The following PDE4D variants were observed in gnomAD, a reference collection of about 807,000 sequenced individuals.
PDE4D encodes the protein phosphodiesterase 4D.
In PDE4D, 24 loss-of-function variants were observed where a neutral mutation model predicts 87.4. The observed-to-expected ratio is 0.27, with a 90% CI of 0.20 to 0.39. PDE4D has a LOEUF of 0.39. Ranked by LOEUF, PDE4D falls within the 10% of genes least tolerant of loss-of-function variation. PDE4D has a pLI of 1.00. For missense variants in PDE4D, 714 were observed against 1,041.0 expected, an observed-to-expected ratio of 0.69 and a Z score of 4.32; for synonymous variants, 384 against 383.2, an observed-to-expected ratio of 1.00 and a Z score of -0.02.
intron 1 of PDE4D, among the ~76,000 whole-genome samples, chr5:59,767,864 A>G (rs776709364): frequency 1.3e-5 from 2 of 152,068 alleles, no homozygotes; most frequent in African/African-American, 2.4e-5. Context: ...TCCTCCCCTC[A>G]TTTCTGGTCC....
chr5:60,448,785 G>C (rs149928125), intron 1 of PDE4D: 2 of 152,058 alleles, frequency 1.3e-5, no homozygotes, highest in African/African-American at 4.8e-5. Flanking sequence ...TTTCATAGCA[G>C]ATATTTTAAT....
intron 2 of PDE4D, among the ~76,000 whole-genome samples, chr5:60,099,962 A>G (rs1776057914): frequency 6.6e-6 from 1 of 151,900 alleles, no homozygotes; most frequent in South Asian, 2.1e-4. Context: ...TCACAGCAAA[A>G]AAGAAAGAAA....
At chr5:59,275,211 G>T in intron 1 of PDE4D, 1 of 715,552 alleles carries the variant, frequency 1.4e-6, no homozygotes, top group Non-Finnish European at 2.3e-6. Context: ...ACAAAATAAA[G>T]AATAAAAGAG....
chr5:59,859,923 G>C (rs1431665617), intron 1 of PDE4D, among the ~76,000 whole-genome samples: 1 of 152,168 alleles, frequency 6.6e-6, no homozygotes, highest in Non-Finnish European at 1.5e-5. Flanking sequence ...CTAAGGATGG[G>C]TGTGCAGGGA....
chr5:59,941,878 G>A (rs1757221491), intron 3 of PDE4D, among the ~76,000 whole-genome samples: 1 of 152,184 alleles, frequency 6.6e-6, no homozygotes, highest in South Asian at 2.1e-4. Context: ...TCAATGATGG[G>A]GGATTTGGCA....
At chr5:59,750,071 A>G (rs181100571) in intron 1 of PDE4D, among the ~76,000 whole-genome samples, 1 of 147,914 alleles carries the variant, frequency 6.8e-6, no homozygotes, top group African/African-American at 2.5e-5. Flanking sequence ...CAAATGGTAG[A>G]CAGAATTATG....
At chr5:59,155,978 G>A (rs915030327) in intron 5 of PDE4D, among the ~76,000 whole-genome samples, 1 of 152,116 alleles carries the variant, frequency 6.6e-6, no homozygotes, top group East Asian at 1.9e-4. Context: ...AGGCTTAAGA[G>A]AGAGGACAGG....
At chr5:60,213,779 T>C (rs1743529513) in intron 1 of PDE4D, among the ~76,000 whole-genome samples, 1 of 152,090 alleles carries the variant, frequency 6.6e-6, no homozygotes, top group Non-Finnish European at 1.5e-5. Context: ...TGTCCTCCAT[T>C]TTCCTAGACC....
chr5:59,679,873 C>A (rs1037417574), intron 1 of PDE4D, among the ~76,000 whole-genome samples: 2 of 151,932 alleles, frequency 1.3e-5, no homozygotes, highest in Admixed American at 1.3e-4. Flanking sequence ...TACACAAAGA[C>A]CCTAATGAAA....
At chr5:59,154,954 G>A (rs1779950993) in intron 5 of PDE4D, among the ~76,000 whole-genome samples, 1 of 152,150 alleles carries the variant, frequency 6.6e-6, no homozygotes, top group Non-Finnish European at 1.5e-5. Context: ...TTTCGATCTT[G>A]GCTAAAAGTG....
chr5:59,588,826 C>T (rs1158468318), intron 1 of PDE4D, among the ~76,000 whole-genome samples: 2 of 152,178 alleles, frequency 1.3e-5, no homozygotes, highest in East Asian at 3.8e-4. Flanking sequence ...GCAGTGTCCT[C>T]ATGACCCCTT....
Position 59,369,219 on chromosome 5 carries a change from G to A in PDE4D, c.456-153251C>T, listed in dbSNP as rs149354718. On this transcript the variant is annotated intron_variant, in intron 1 of 14. Coordinates refer to ENST00000340635, the MANE Select transcript of PDE4D (RefSeq NM_001104631.2). The stretch of plus-strand genomic sequence containing the variant: ...GAGATGACATGAGGCAGACAAGGAC[G>A]GTAACAAGTCTGTGTAGGAATCTAC... Among the ~76,000 whole-genome samples the A allele has an allele frequency of 1.7e-3, 257 of 151,716 alleles. 1 individual carries two copies. Among genetic ancestry groups the A allele is most frequent in the African/African-American group, 6.0e-3 (247 of 41,302 alleles).
chr5:59,712,237 A>T (rs1754297308), intron 1 of PDE4D, among the ~76,000 whole-genome samples: 1 of 151,558 alleles, frequency 6.6e-6, no homozygotes, highest in African/African-American at 2.4e-5. Flanking sequence ...TCTCTCTACC[A>T]TATTCATTAC....
chr5:59,046,804 C>G (rs1006271099), intron 5 of PDE4D, among the ~76,000 whole-genome samples: 5 of 152,018 alleles, frequency 3.3e-5, no homozygotes, highest in Admixed American at 2.6e-4. Context: ...AATAAGGAGG[C>G]CTTTTGTCCA....
intron 1 of PDE4D, among the ~76,000 whole-genome samples, chr5:59,230,295 G>A (rs1311648866): frequency 6.6e-6 from 1 of 152,022 alleles, no homozygotes; most frequent in Non-Finnish European, 1.5e-5. Context: ...CCTAGTCCTG[G>A]GGAATGGGGA....
intron 6 of PDE4D, among the ~76,000 whole-genome samples, chr5:59,014,260 C>T (rs919287847): frequency 2.6e-5 from 4 of 152,112 alleles, no homozygotes; most frequent in East Asian, 1.9e-4. Flanking sequence ...CTTCTCTCAC[C>T]GCTCCTATTC....
intron 1 of PDE4D, among the ~76,000 whole-genome samples, chr5:59,452,570 G>A (rs2153641122): frequency 6.6e-6 from 1 of 152,298 alleles, no homozygotes; most frequent in Middle Eastern, 3.4e-3. Flanking sequence ...TGCCTGAGGT[G>A]CTGCCTCAGG....
Position 59,774,610 on chromosome 5 carries a change from G to A in PDE4D, c.455+118558C>T, listed in dbSNP as rs78421568. Reference sequence around the variant, plus strand: ...TGTTAGAGTGATCTCTGCTGAAATAGTAAGTCATTATTTCACTTGAAAGAA... The same window carrying A: ...TGTTAGAGTGATCTCTGCTGAAATAATAAGTCATTATTTCACTTGAAAGAA... On this transcript the variant is annotated intron_variant, in intron 1 of 14. Coordinates refer to ENST00000340635, the MANE Select transcript of PDE4D (RefSeq NM_001104631.2). Among the ~76,000 whole-genome samples, 240 of 151,514 alleles carry A rather than the reference G, an allele frequency of 1.6e-3. 8 individuals are homozygous for A. The East Asian group carries it at 0.042, about 26-fold the overall frequency.
chr5:59,268,273 C>T (rs1325220490), intron 1 of PDE4D, among the ~76,000 whole-genome samples: 1 of 152,070 alleles, frequency 6.6e-6, no homozygotes, highest in Non-Finnish European at 1.5e-5. Context: ...AATATTGCCC[C>T]TGTCATGCTA....
Sources: gnomAD v4.1 joint callset for allele counts (sites outside exome capture counted in the v4.1 genomes callset) on GRCh38, gnomAD v4.1.1 for gene constraint, MANE v1.5 for transcripts, NCBI Gene and HGNC (gene_info 2026-07-23, HGNC 2026-07-21) for gene names.